The following FAM47E variants were observed in gnomAD, a reference collection of about 807,000 sequenced individuals.
FAM47E encodes family with sequence similarity 47 member E.
In FAM47E, 32 loss-of-function variants were observed where a neutral mutation model predicts 41.6. The observed-to-expected ratio is 0.77, with a 90% CI of 0.58 to 1.03. The LOEUF is 1.03. FAM47E is among the 50% of genes least tolerant of loss of function. The probability of loss-of-function intolerance (pLI) is 0.00; values close to 1 mark genes in which losing one functional copy is unlikely to be tolerated. For synonymous variants in FAM47E, 184 were observed against 188.7 expected (o/e 0.98, Z 0.20); for missense variants, 424 against 485.4 (o/e 0.87, Z 1.19).
upstream of FAM47E, chr4:76,251,681 A>G (rs1011770882): frequency 1.4e-6 from 2 of 1,393,128 alleles, no homozygotes. Context: ...GTGTCCTAGC[A>G]ACGGGGCGGC....
chr4:76,223,183 A>G (rs561148977), intron 2 of FAM47E, among the ~76,000 whole-genome samples: 2 of 152,282 alleles, frequency 1.3e-5, no homozygotes, highest in South Asian at 4.1e-4. Flanking sequence ...AATGAAAACT[A>G]CCTTCCTTGG....
chr4:76,255,621 G>A (rs1734155869), intron 1 of FAM47E, among the ~76,000 whole-genome samples: 1 of 152,142 alleles, frequency 6.6e-6, no homozygotes, highest in Non-Finnish European at 1.5e-5. Flanking sequence ...CCGCTCAACT[G>A]CACTCTGTCC....
intron 7 of FAM47E, 49 bp downstream of exon 7, chr4:76,280,390 C>T (rs1735296168): frequency 1.8e-6 from 2 of 1,107,112 alleles, no homozygotes; most frequent in East Asian, 2.6e-5. Flanking sequence ...CTTCATGGCT[C>T]ACAGTTGTTG....
At position 76,224,247 on chromosome 4, in the gene FAM47E, G is replaced by A. The variant is rs138154744; in HGVS notation, c.81+6559G>A. 3.7e-4 allele frequency among the ~76,000 whole-genome samples: 57 copies of A among 152,250 alleles called. No homozygotes were observed. In the East Asian group the frequency reaches 7.3e-3, roughly 20 times the overall value. Reference sequence around the variant, plus strand: ...CACACATAGTTCATCCGAAATTCACGGGATAATTGGGCTGGCCATCTGTGT... The same window carrying A: ...CACACATAGTTCATCCGAAATTCACAGGATAATTGGGCTGGCCATCTGTGT... On this transcript the variant is annotated intron_variant, in intron 2 of 7. Coordinates refer to the FAM47E transcript ENST00000510197.
intron 4 of FAM47E, among the ~76,000 whole-genome samples, chr4:76,269,920 T>G (rs1162276822): frequency 6.6e-6 from 1 of 152,204 alleles, no homozygotes; most frequent in Non-Finnish European, 1.5e-5. Flanking sequence ...TACCTGATGC[T>G]TTTCTTGGAT....
intron 2 of FAM47E, among the ~76,000 whole-genome samples, chr4:76,259,420 G>A (rs1414970537): frequency 1.3e-5 from 2 of 152,106 alleles, no homozygotes; most frequent in African/African-American, 2.4e-5. Flanking sequence ...TTTGGCTATT[G>A]GATGGCACTT....
chr4:76,244,786 C>A (rs1054372796), intron 2 of FAM47E, among the ~76,000 whole-genome samples: 1 of 152,146 alleles, frequency 6.6e-6, no homozygotes, highest in Admixed American at 6.5e-5. Context: ...GATCCACCCA[C>A]CTCGGCCTCC....
At chr4:76,255,607 C>T (rs1048186287) in intron 1 of FAM47E, among the ~76,000 whole-genome samples, 2 of 152,152 alleles carry the variant, frequency 1.3e-5, no homozygotes, top group African/African-American at 4.8e-5. Context: ...GATCCAGGTT[C>T]TTCCCGCTCA....
At chr4:76,236,883 T>A (rs953703224) in intron 2 of FAM47E, among the ~76,000 whole-genome samples, 4 of 151,354 alleles carry the variant, frequency 2.6e-5, no homozygotes, top group South Asian at 2.1e-4. Flanking sequence ...TTGTAAAATA[T>A]GTTTCTTTTC....
intron 2 of FAM47E, among the ~76,000 whole-genome samples, chr4:76,233,864 G>A (rs1021709762): frequency 6.6e-6 from 1 of 152,204 alleles, no homozygotes; most frequent in Non-Finnish European, 1.5e-5. Context: ...AGTTGGTTGG[G>A]GGGGGCTTGG....
chr4:76,271,902 T>C (rs1021539514), intron 5 of FAM47E, 134 bp downstream of exon 5: 1 of 1,042,352 alleles, frequency 9.6e-7, no homozygotes, highest in African/African-American at 1.6e-5. Flanking sequence ...TCATGATTAA[T>C]ATTTGTTAAA....
chr4:76,214,659 C>T (rs1054175085), intron 1 of FAM47E, among the ~76,000 whole-genome samples: 2 of 152,152 alleles, frequency 1.3e-5, no homozygotes, highest in Admixed American at 6.5e-5. Context: ...CCCAGACACC[C>T]AGGACCAAGA....
intron 2 of FAM47E, among the ~76,000 whole-genome samples, chr4:76,229,450 T>A (rs1483844152): frequency 6.6e-6 from 1 of 152,222 alleles, no homozygotes; most frequent in Non-Finnish European, 1.5e-5. Context: ...ACTTTTCTGA[T>A]TCCTTCTCAT....
chr4:76,220,663 C>T (rs1733291897), intron 2 of FAM47E, among the ~76,000 whole-genome samples: 1 of 152,188 alleles, frequency 6.6e-6, no homozygotes, highest in South Asian at 2.1e-4. Context: ...TACTACAGTG[C>T]AGACTTCTTT....
At chr4:76,233,480 G>T (rs1054367396) in intron 2 of FAM47E, among the ~76,000 whole-genome samples, 3 of 152,034 alleles carry the variant, frequency 2.0e-5, no homozygotes, top group African/African-American at 7.3e-5. Flanking sequence ...GAACTGAAAG[G>T]CATCACAGCT....
At chr4:76,243,195 C>T (rs984997839) in intron 2 of FAM47E, among the ~76,000 whole-genome samples, 19 of 152,198 alleles carry the variant, frequency 1.2e-4, no homozygotes, top group African/African-American at 4.3e-4. Flanking sequence ...AGAACTGTTT[C>T]TGTTGCTTAT....
intron 5 of FAM47E, 95 bp downstream of exon 5, chr4:76,271,863 T>C: frequency 7.4e-7 from 1 of 1,355,900 alleles, no homozygotes; most frequent in East Asian, 2.5e-5. Context: ...TGGGTACTGG[T>C]TTTTTAAAGT....
chr4:76,223,054 T>A (rs1733337657), intron 2 of FAM47E, among the ~76,000 whole-genome samples: 1 of 152,210 alleles, frequency 6.6e-6, no homozygotes, highest in Admixed American at 6.5e-5. Flanking sequence ...CAAAGCCATA[T>A]TTTTGTTCAA....
chr4:76,216,391 C>G (rs900704267), intron 1 of FAM47E, among the ~76,000 whole-genome samples: 2 of 152,178 alleles, frequency 1.3e-5, no homozygotes, highest in African/African-American at 4.8e-5. Flanking sequence ...AACTTCCACC[C>G]CCTACTCTCT....
Sources: gnomAD v4.1 joint callset for allele counts (sites outside exome capture counted in the v4.1 genomes callset) on GRCh38, gnomAD v4.1.1 for gene constraint, MANE v1.5 for transcripts, NCBI Gene and HGNC (gene_info 2026-07-23, HGNC 2026-07-21) for gene names.